ADCY9: variants seen among roughly 807,000 people sequenced by gnomAD.
ADCY9 encodes adenylate cyclase 9, also known as adenylate cyclase type 9.
A neutral mutation model predicts 101.5 loss-of-function variants in ADCY9; 50 were observed. The observed-to-expected ratio is 0.49, with a 90% CI of 0.39 to 0.62. The LOEUF (loss-of-function observed/expected upper bound fraction) is 0.62, where lower values mean the gene tolerates loss of function less well. Among genes scored for constraint, ADCY9 ranks in the 20% least tolerant of loss-of-function variants. The pLI is 0.00. For synonymous variants in ADCY9, 905 were observed against 769.3 expected, an observed-to-expected ratio of 1.18 and a Z score of -2.92; for missense variants, 1,662 against 1,800.4, an observed-to-expected ratio of 0.92 and a Z score of 1.39.
At chr16:4,040,992 A>C (rs1348100473) in intron 2 of ADCY9, among the ~76,000 whole-genome samples, 1 of 152,146 alleles carries the variant, frequency 6.6e-6, no homozygotes, top group Non-Finnish European at 1.5e-5. Context: ...GTCAGTTTTA[A>C]GTTGAAGGTA....
chr16:3,993,607 CATG>C, intron 3 of ADCY9, 97 bp from the exon 4 acceptor site: 4 of 1,478,624 alleles, frequency 2.7e-6, no homozygotes, highest in Non-Finnish European at 3.7e-6. Context: ...CGTCACGCAG[CATG>C]GTGGTGAGCA....
chr16:3,976,014 CTG>C (rs1435319490), intron 9 of ADCY9, among the ~76,000 whole-genome samples: 1 of 152,120 alleles, frequency 6.6e-6, no homozygotes, highest in African/African-American at 2.4e-5. Context: ...TTTTTGGAGA[CTG>C]AGTCTTGCTC....
chr16:4,026,296 C>G (rs909059414), intron 2 of ADCY9, among the ~76,000 whole-genome samples: 4 of 151,860 alleles, frequency 2.6e-5, no homozygotes, highest in African/African-American at 9.7e-5. Context: ...ATGGTGGCGT[C>G]ACCTGTAGTC....
At chr16:4,044,248 G>A (rs2056647051) in intron 2 of ADCY9, among the ~76,000 whole-genome samples, 1 of 152,088 alleles carries the variant, frequency 6.6e-6, no homozygotes, top group African/African-American at 2.4e-5. Flanking sequence ...TCCGGAGGCT[G>A]AAGCAGGAGA....
intron 2 of ADCY9, among the ~76,000 whole-genome samples, chr16:4,064,797 T>C (rs1235017592): frequency 1.3e-5 from 2 of 151,772 alleles, no homozygotes; most frequent in Non-Finnish European, 2.9e-5. Context: ...GGTTTTTGTT[T>C]GCTTACAAAA....
intron 3 of ADCY9, among the ~76,000 whole-genome samples, chr16:3,997,143 G>A (rs568942625): frequency 4.6e-5 from 7 of 152,348 alleles, no homozygotes; most frequent in Admixed American, 3.9e-4. Context: ...GGGATTACAG[G>A]CGTGAGCCAC....
intron 2 of ADCY9, among the ~76,000 whole-genome samples, chr16:4,014,838 C>T (rs1183981688): frequency 6.6e-6 from 1 of 151,956 alleles, no homozygotes; most frequent in South Asian, 2.1e-4. Context: ...ACCTTCTATA[C>T]CCAGCTTCCC....
intron 9 of ADCY9, among the ~76,000 whole-genome samples, chr16:3,977,229 T>C (rs945441629): frequency 6.6e-6 from 1 of 152,226 alleles, no homozygotes; most frequent in Non-Finnish European, 1.5e-5. Flanking sequence ...CAGCATTATG[T>C]TTTCCAGGAT....
chr16:3,992,582 A>C lies in ADCY9; in HGVS notation c.1990-219T>G, dbSNP rs2056253995. Among the ~76,000 whole-genome samples, 3 of 152,072 alleles carry C rather than the reference A, an allele frequency of 2.0e-5. No individual in the cohort carries two copies. Among genetic ancestry groups the C allele is most frequent in the Non-Finnish European group, 4.4e-5 (3 of 68,006 alleles). ...TCCTTCCTGTTACCCAACAGTGCCC[A>C]GTGGTAACGCTGGGTGTTCAGGCTG... On this transcript the variant is annotated intron_variant, in intron 4 of 10. Transcript: ENST00000294016. This position sits in a 1 kb window ranked among gnomAD's most constrained non-coding sequence, Gnocchi z 4.2.
At chr16:4,091,870 T>C (rs747826912) in intron 2 of ADCY9, among the ~76,000 whole-genome samples, 9 of 152,178 alleles carry the variant, frequency 5.9e-5, no homozygotes, top group Non-Finnish European at 1.0e-4. Flanking sequence ...TGAAAACGCT[T>C]CGGAATTAGA....
At chr16:4,006,000 C>A (rs1412472046) in intron 3 of ADCY9, among the ~76,000 whole-genome samples, 1 of 152,190 alleles carries the variant, frequency 6.6e-6, no homozygotes, top group East Asian at 1.9e-4. Flanking sequence ...AGGCGGCTGT[C>A]TCTAAAGTTT....
At position 4,097,547 on chromosome 16, in the gene ADCY9, ATATATATT is replaced by A. The variant is rs1317161083; in HGVS notation, c.1693+16195_1693+16202del. Among the ~76,000 whole-genome samples, 71 of 46,686 alleles carry A rather than the reference ATATATATT, an allele frequency of 1.5e-3. 2 individuals are homozygous for A. The highest frequency in any genetic ancestry group is 9.2e-3 in the African/African-American group (68 of 7,394). 30.6% of individuals were successfully genotyped at this position (46,686 alleles called of 152,430 possible). A position where few individuals can be genotyped will look rare whatever the true frequency, so the allele number is the denominator to read the frequency against. On this transcript the variant is annotated intron_variant, in intron 2 of 10. Transcript: ENST00000294016. ...TATGTACATATATATATATATATAT[ATATATATT>A]TTTTTTTTTTTTTTTTAAGACAGAG...
chr16:4,018,212 CTCTT>C (rs1352933232), intron 2 of ADCY9, among the ~76,000 whole-genome samples: 34 of 145,650 alleles, frequency 2.3e-4, no homozygotes, highest in Non-Finnish European at 3.8e-4. Context: ...GAATATTCTT[CTCTT>C]TTTTTTTTTT....
intron 2 of ADCY9, among the ~76,000 whole-genome samples, chr16:4,035,100 C>T (rs963013962): frequency 2.6e-5 from 4 of 152,160 alleles, no homozygotes; most frequent in Admixed American, 2.0e-4. Flanking sequence ...GACACGATCA[C>T]CACCCTTGCA....
Position 3,964,567 on chromosome 16 carries a change from G to A in ADCY9, c.*1208C>T, listed in dbSNP as rs1480139026. ...GGCAGCCAAGAAACTTCTGGAATTT[G>A]TGGAAGCCAAGATGGCACCGGTGCT... On this transcript the variant is annotated 3_prime_UTR_variant, in exon 11 of 11. Transcript: ENST00000294016. The A allele has an allele frequency of 6.6e-6, 1 of 152,346 alleles. No homozygotes were observed. Among genetic ancestry groups the A allele is most frequent in the Non-Finnish European group, 1.5e-5 (1 of 68,124 alleles). 9.4% of individuals were successfully genotyped at this position (152,346 alleles called of 1,614,324 possible).
intron 2 of ADCY9, among the ~76,000 whole-genome samples, chr16:4,095,976 C>CAAAA (rs56897380): frequency 1.5e-4 from 17 of 115,420 alleles, no homozygotes; most frequent in South Asian, 6.0e-4. Flanking sequence ...GACTCTATCT[C>CAAAA]AAAAAAAAAA....
intron 3 of ADCY9, 102 bp downstream of exon 3, chr16:4,007,266 G>T: frequency 1.0e-6 from 1 of 1,000,418 alleles, no homozygotes; most frequent in Non-Finnish European, 1.4e-6. Context: ...GTCATTCCAA[G>T]TTGTTTGCCT....
intron 2 of ADCY9, among the ~76,000 whole-genome samples, chr16:4,034,165 G>A (rs1340832291): frequency 6.6e-6 from 1 of 152,130 alleles, no homozygotes; most frequent in Non-Finnish European, 1.5e-5. Context: ...TGCCTTCTCG[G>A]TCTTACACAA....
At chr16:4,019,143 T>C (rs1234827272) in intron 2 of ADCY9, among the ~76,000 whole-genome samples, 2 of 152,022 alleles carry the variant, frequency 1.3e-5, no homozygotes, top group African/African-American at 2.4e-5. Flanking sequence ...GCCCACCTTC[T>C]TTTAAAAAAA....
Sources: gnomAD v4.1 joint callset for allele counts (sites outside exome capture counted in the v4.1 genomes callset) on GRCh38, gnomAD v4.1.1 for gene constraint, Gnocchi (gnomAD v3.1) non-coding constraint, MANE v1.5 for transcripts, NCBI Gene and HGNC (gene_info 2026-07-23, HGNC 2026-07-21) for gene names.